Variants in IL1RAPL1 observed in about 807,000 individuals in gnomAD.
IL1RAPL1 encodes interleukin 1 receptor accessory protein like 1.
IL1RAPL1 carries 3 observed loss-of-function variants against 48.4 expected under a neutral mutation model. That is an observed-to-expected ratio of 0.06 (90% CI 0.03 to 0.16). The LOEUF (loss-of-function observed/expected upper bound fraction) is 0.16. IL1RAPL1 is among the 10% of genes least tolerant of loss of function. IL1RAPL1 has a pLI of 1.00. For missense variants in IL1RAPL1, 349 were observed against 530.6 expected, an observed-to-expected ratio of 0.66 and a Z score of 3.36; for synonymous variants, 185 against 187.7, an observed-to-expected ratio of 0.99 and a Z score of 0.12.
chrX:29,476,861 T>C (rs1225907792), intron 5 of IL1RAPL1, among the ~76,000 whole-genome samples: 1 of 88,361 alleles, frequency 1.1e-5, no homozygotes, highest in Non-Finnish European at 2.2e-5. Context: ...CATTTACTTT[T>C]TACCCATATT....
Position 28,602,924 on chromosome X carries a change from T to C in IL1RAPL1, c.-25+14877T>C, listed in dbSNP as rs186421819. Reference sequence around the variant, plus strand: ...GGTTTAGTATTGCTTCATTGAATCATTACTTAAGTCAAAGATGTTAAGCAG... The same window carrying C: ...GGTTTAGTATTGCTTCATTGAATCACTACTTAAGTCAAAGATGTTAAGCAG... On this transcript the variant is annotated intron_variant, in intron 1 of 10. Coordinates refer to ENST00000378993, the MANE Select transcript of IL1RAPL1 (RefSeq NM_014271.4). 3.3e-4 allele frequency among the ~76,000 whole-genome samples: 37 copies of C among 112,158 alleles called. No homozygotes were observed. In the Admixed American group the frequency reaches 3.3e-3, roughly 10 times the overall value.
At chrX:29,945,810 A>T (rs1933203822) in intron 9 of IL1RAPL1, among the ~76,000 whole-genome samples, 1 of 112,222 alleles carries the variant, frequency 8.9e-6, no homozygotes, top group Admixed American at 9.4e-5. Context: ...TATGATTGAT[A>T]TAGAAGGATT....
At chrX:28,666,395 A>T (rs1934879626) in intron 1 of IL1RAPL1, among the ~76,000 whole-genome samples, 1 of 111,474 alleles carries the variant, frequency 9.0e-6, no homozygotes, top group Admixed American at 9.6e-5. Context: ...TGGGTCTTAT[A>T]AGACTGTCAA....
chrX:28,709,060 A>G (rs1261395447), intron 1 of IL1RAPL1, among the ~76,000 whole-genome samples: 1 of 112,333 alleles, frequency 8.9e-6, no homozygotes, highest in Non-Finnish European at 1.9e-5. Context: ...AAGACAGTGT[A>G]AGTCAGTCAG....
chrX:29,620,584 G>A (rs770455073), intron 5 of IL1RAPL1, among the ~76,000 whole-genome samples: 13 of 111,906 alleles, frequency 1.2e-4, no homozygotes, highest in African/African-American at 3.9e-4. Flanking sequence ...TTAAAATACT[G>A]CAATATTGTT....
At chrX:29,755,370 C>T (rs1180158400) in intron 6 of IL1RAPL1, among the ~76,000 whole-genome samples, 1 of 111,599 alleles carries the variant, frequency 9.0e-6, no homozygotes, top group Admixed American at 9.6e-5. Flanking sequence ...CCAACCCCAC[C>T]TTCCTTTACC....
chrX:29,251,810 G>A (rs1931624289), intron 2 of IL1RAPL1, among the ~76,000 whole-genome samples: 1 of 111,168 alleles, frequency 9.0e-6, no homozygotes, highest in Non-Finnish European at 1.9e-5. Flanking sequence ...GGACTTCCGT[G>A]ACAAATATTT....
chrX:28,934,190 G>A (rs1923958155), intron 2 of IL1RAPL1, among the ~76,000 whole-genome samples: 1 of 110,637 alleles, frequency 9.0e-6, no homozygotes, highest in Admixed American at 9.7e-5. Flanking sequence ...ACTCTGGTTC[G>A]AACACCTCTG....
intron 1 of IL1RAPL1, among the ~76,000 whole-genome samples, chrX:28,705,844 A>T (rs1363995580): frequency 2.7e-5 from 3 of 112,337 alleles, no homozygotes; most frequent in African/African-American, 6.5e-5. Flanking sequence ...TCCAGTAGCT[A>T]CAACTAGTAA....
At chrX:29,010,451 A>G (rs889631283) in intron 2 of IL1RAPL1, among the ~76,000 whole-genome samples, 4 of 111,553 alleles carry the variant, frequency 3.6e-5, no homozygotes, top group African/African-American at 1.3e-4. Context: ...TTTTATCATG[A>G]AGGGATGTTG....
At chrX:28,863,272 A>G (rs1485517613) in intron 2 of IL1RAPL1, among the ~76,000 whole-genome samples, 1 of 111,163 alleles carries the variant, frequency 9.0e-6, no homozygotes, top group Non-Finnish European at 1.9e-5. Context: ...CAGGCCGCAT[A>G]GTATCTCTTG....
At chrX:29,602,171 C>T (rs1355799415) in intron 5 of IL1RAPL1, among the ~76,000 whole-genome samples, 1 of 108,347 alleles carries the variant, frequency 9.2e-6, no homozygotes, top group Non-Finnish European at 1.9e-5. Flanking sequence ...TTAGTATAGA[C>T]GGGGTTTCAC....
chrX:29,691,552 G>A (rs1011963792), intron 6 of IL1RAPL1, among the ~76,000 whole-genome samples: 20 of 111,304 alleles, frequency 1.8e-4, no homozygotes, highest in African/African-American at 5.6e-4. Flanking sequence ...AAAGAATTAA[G>A]ATCTGCTATT....
intron 3 of IL1RAPL1, among the ~76,000 whole-genome samples, chrX:29,388,364 A>AT (rs1933810894): frequency 3.9e-5 from 1 of 25,724 alleles, no homozygotes; most frequent in African/African-American, 1.5e-4. Flanking sequence ...AGATTAAAAA[A>AT]AATATATATA....
intron 2 of IL1RAPL1, among the ~76,000 whole-genome samples, chrX:29,157,670 C>T (rs1158052173): frequency 1.0e-5 from 1 of 98,002 alleles, no homozygotes; most frequent in Non-Finnish European, 2.0e-5. Context: ...CTAAATACTC[C>T]ATTTATTAGC....
At chrX:29,350,959 A>G (rs1933223274) in intron 3 of IL1RAPL1, among the ~76,000 whole-genome samples, 1 of 111,410 alleles carries the variant, frequency 9.0e-6, no homozygotes, top group South Asian at 3.8e-4. Context: ...CCAAGAACCT[A>G]TAGATGACAT....
At chrX:29,724,482 A>G (rs1448717765) in intron 6 of IL1RAPL1, among the ~76,000 whole-genome samples, 3 of 112,505 alleles carry the variant, frequency 2.7e-5, no homozygotes, top group African/African-American at 9.7e-5. Context: ...CAAAGCTAGC[A>G]TGCTCCTGAG....
intron 2 of IL1RAPL1, among the ~76,000 whole-genome samples, chrX:29,067,746 A>G (rs1927480650): frequency 2.7e-5 from 3 of 112,058 alleles, no homozygotes; most frequent in African/African-American, 9.7e-5. Flanking sequence ...TAGAAGTAGT[A>G]CAGGACCTAC....
intron 3 of IL1RAPL1, among the ~76,000 whole-genome samples, chrX:29,346,243 A>G (rs1364586905): frequency 3.6e-5 from 4 of 112,263 alleles, no homozygotes; most frequent in Non-Finnish European, 7.5e-5. Context: ...CACATCAACA[A>G]TCTCCCATTT....
Sources: allele counts gnomAD v4.1 joint callset (sites outside exome capture counted in the v4.1 genomes callset), GRCh38; gene constraint gnomAD v4.1.1; transcripts MANE v1.5; gene names NCBI Gene and HGNC (gene_info 2026-07-23, HGNC 2026-07-21).